WDR33: variants seen among roughly 807,000 people sequenced by gnomAD.
WDR33 encodes the protein WD repeat domain 33.
In WDR33, 47 loss-of-function variants were observed where a neutral mutation model predicts 164.9. The observed-to-expected ratio is 0.29, with a 90% CI of 0.23 to 0.36. The LOEUF is 0.36. Among genes scored for constraint, WDR33 ranks in the 10% least tolerant of loss-of-function variants. WDR33 has a pLI of 1.00. For synonymous variants in WDR33, 505 were observed against 589.0 expected, an observed-to-expected ratio of 0.86 and a Z score of 2.06; for missense variants, 1,137 against 1,754.1, an observed-to-expected ratio of 0.65 and a Z score of 6.28.
Position 127,738,675 on chromosome 2 carries a change from T to G in WDR33, c.725-11898A>C, listed in dbSNP as rs1336446876. On this transcript the variant is annotated intron_variant, in intron 7 of 21. Transcript: ENST00000322313. This position sits in a 1 kb window ranked among gnomAD's most constrained non-coding sequence, Gnocchi z 4.4. The stretch of plus-strand genomic sequence containing the variant: ...GATCTTCCTCTCAAAAACCGACAAT[T>G]CCCTGTCTAATCATGAGAGAAATAG... Among the ~76,000 whole-genome samples, 1 of 152,114 alleles carries G rather than the reference T, an allele frequency of 6.6e-6. No individual in the cohort carries two copies. The highest frequency in any genetic ancestry group is 2.4e-5 in the African/African-American group (1 of 41,400).
chr2:127,726,614 T>C lies in WDR33; in HGVS notation c.851+37A>G, dbSNP rs780824482. 2.2e-5 allele frequency: 36 copies of C among 1,610,216 alleles called. No homozygotes were observed. The South Asian group carries it at 3.5e-4, about 16-fold the overall frequency. On this transcript the variant is annotated intron_variant, in intron 8 of 21. Coordinates refer to ENST00000322313, the MANE Select transcript of WDR33 (RefSeq NM_018383.5). The surrounding 1 kb of genome is among the most constrained non-coding windows in gnomAD (Gnocchi z 4.8). ...TAAAGGACACACTGCTTTGCTCCCC[T>C]TTGTTCAGGGGCCAAGGTGGGGTTC... is the stretch of plus-strand genomic sequence containing the variant.
intron 1 of WDR33, among the ~76,000 whole-genome samples, chr2:127,809,358 T>A (rs1318696304): frequency 6.6e-6 from 1 of 151,930 alleles, no homozygotes; most frequent in Admixed American, 6.6e-5. Flanking sequence ...ATTATCCAAG[T>A]TAAGCCATCA....
intron 1 of WDR33, among the ~76,000 whole-genome samples, chr2:127,794,529 GA>G (rs764766640): frequency 6.7e-6 from 1 of 148,394 alleles, no homozygotes; most frequent in Non-Finnish European, 1.5e-5. Flanking sequence ...GAAAAGAAAA[GA>G]GACAAAGACA....
intron 7 of WDR33, among the ~76,000 whole-genome samples, chr2:127,756,976 C>A (rs1687538877): frequency 6.6e-6 from 1 of 151,204 alleles, no homozygotes; most frequent in Non-Finnish European, 1.5e-5. Flanking sequence ...ACCAGGGAGG[C>A]TGAGGTGGGA....
chr2:127,787,458 C>A (rs1688624608), intron 1 of WDR33, among the ~76,000 whole-genome samples: 1 of 138,330 alleles, frequency 7.2e-6, no homozygotes, highest in African/African-American at 3.0e-5. Flanking sequence ...CCCTCACCTC[C>A]CGGACGGGGC....
At chr2:127,810,400 T>C (rs1266353701) in intron 1 of WDR33, among the ~76,000 whole-genome samples, 1 of 152,204 alleles carries the variant, frequency 6.6e-6, no homozygotes, top group African/African-American at 2.4e-5. Flanking sequence ...CAAACATTCA[T>C]TGTCATTTCT....
At chr2:127,739,982 G>C (rs2105400829) in intron 7 of WDR33, among the ~76,000 whole-genome samples, 1 of 152,040 alleles carries the variant, frequency 6.6e-6, no homozygotes, top group South Asian at 2.1e-4. Context: ...TTACCTCTCA[G>C]AACTAGAAAA....
Position 127,719,509 on chromosome 2 carries a change from G to A in WDR33, c.2516C>T (p.Pro839Leu), listed in dbSNP as rs1407492008. The change falls in exon 16 of 22, where the codon CCT (proline) becomes CTT (leucine). Residue 839 changes from proline to leucine, a missense_variant. Physicochemically the swap from Pro to Leu is moderately conservative, Grantham distance 98. This residue lies in a region of WDR33 where 867 missense variants were observed against 1,073.0 expected (regional missense o/e 0.81). Transcript: ENST00000322313. This position sits in a 1 kb window ranked among gnomAD's most constrained non-coding sequence, Gnocchi z 6.5. ...GPQEIRGMQG[P>L]PPQGSMLGPP... is the part of the protein sequence containing the mutation. ...TCCCAGCATTGATCCTTGGGGTGGA[G>A]GCCCCTGCATGCCTCGGATCTCCTG... The A allele has an allele frequency of 2.5e-6, 4 of 1,612,688 alleles. No individual in the cohort carries two copies. The highest frequency in any genetic ancestry group is 1.3e-5 in the African/African-American group (1 of 74,826).
At position 127,713,664 on chromosome 2, in the gene WDR33, G is replaced by T. The variant is rs138890893; in HGVS notation, c.3227C>A (p.Ala1076Glu). ...ATCTCCGGGCCTGCGGCCTTCCCAT[G>T]CCCCCGGAGGGCCTCGGGCTGCACC... ...GRGAARGPPG[A>E]WEGRRPGDER... Residue 1076 changes from alanine (A) to glutamate (E), a missense_variant, in exon 18 of 22, where the codon GCA becomes GAA. Ala to Glu is a moderately radical substitution (Grantham distance 107). Around this residue, in one of 9 missense-constraint regions of WDR33, gnomAD observed 867 missense variants for 1,073.0 expected, o/e 0.81. Coordinates refer to ENST00000322313, the MANE Select transcript of WDR33 (RefSeq NM_018383.5). This position sits in a 1 kb window ranked among gnomAD's most constrained non-coding sequence, Gnocchi z 6.2. The T allele has an allele frequency of 3.7e-6, 6 of 1,614,216 alleles. No homozygotes were observed. The highest frequency in any genetic ancestry group is 1.3e-5 in the African/African-American group (1 of 75,064).
intron 1 of WDR33, among the ~76,000 whole-genome samples, chr2:127,791,139 T>C (rs1043815327): frequency 6.6e-6 from 1 of 150,808 alleles, no homozygotes; most frequent in Admixed American, 6.6e-5. Context: ...GCAAAAGTAC[T>C]TTATCCAAAC....
At chr2:127,756,334 CA>C (rs57883631) in intron 7 of WDR33, among the ~76,000 whole-genome samples, 18,800 of 109,432 alleles carry the variant, frequency 0.17, 1,124 homozygotes, top group Middle Eastern at 0.29. Context: ...ATTCCAACTC[CA>C]AAAAAAAAAA....
intron 17 of WDR33, among the ~76,000 whole-genome samples, chr2:127,715,038 C>CT (rs1454756126): frequency 1.3e-5 from 2 of 151,192 alleles, no homozygotes; most frequent in Non-Finnish European, 2.9e-5. Flanking sequence ...AACCATAATT[C>CT]TCACCTCCCC....
chr2:127,725,274 C>A (rs916442644), intron 8 of WDR33, 59 bp from the exon 9 acceptor site: 92 of 1,513,174 alleles, frequency 6.1e-5, no homozygotes, highest in Middle Eastern at 2.1e-4. Context: ...AATACAATGG[C>A]CATTTTTGTT....
At chr2:127,739,494 T>C (rs947876471) in intron 7 of WDR33, among the ~76,000 whole-genome samples, 2 of 152,234 alleles carry the variant, frequency 1.3e-5, no homozygotes, top group South Asian at 2.1e-4. Context: ...TAATGGCTAA[T>C]AGTAAAAAAT....
intron 7 of WDR33, among the ~76,000 whole-genome samples, chr2:127,758,557 A>C (rs1005163515): frequency 6.6e-6 from 1 of 152,196 alleles, no homozygotes; most frequent in Non-Finnish European, 1.5e-5. Flanking sequence ...AGCTGTTATT[A>C]TTGTTAAAAT....
In WDR33 at chr2:127,764,077, G is replaced by A; in HGVS notation, c.626+751C>T. ...GAATGCTGCTTAGCTTTATTCTGAG[G>A]CTGCAGCAATTCTTCAGGCTTGTAT... On this transcript the variant is annotated intron_variant, in intron 6 of 21. Transcript: ENST00000322313. The surrounding 1 kb of genome is among the most constrained non-coding windows in gnomAD (Gnocchi z 6.2). The A allele has an allele frequency of 1.0e-6, 1 of 987,796 alleles. No individual in the cohort carries two copies. Among genetic ancestry groups the A allele is most frequent in the African/African-American group, 1.7e-5 (1 of 57,390 alleles). 61.2% of individuals were successfully genotyped at this position (987,796 alleles called of 1,614,324 possible).
At chr2:127,798,204 C>T (rs1160473753) in intron 1 of WDR33, among the ~76,000 whole-genome samples, 5 of 150,814 alleles carry the variant, frequency 3.3e-5, no homozygotes, top group Admixed American at 1.3e-4. Context: ...CCTGTCTCTA[C>T]TGAAAATACA....
At chr2:127,707,479 A>G (rs1379428905) in intron 21 of WDR33, among the ~76,000 whole-genome samples, 1 of 152,206 alleles carries the variant, frequency 6.6e-6, no homozygotes, top group African/African-American at 2.4e-5. Flanking sequence ...AACCCACCTG[A>G]GGCACCTGGG....
intron 1 of WDR33, among the ~76,000 whole-genome samples, chr2:127,789,546 T>C (rs1431295901): frequency 7.4e-5 from 11 of 148,796 alleles, no homozygotes; most frequent in African/African-American, 2.7e-4. Flanking sequence ...CCAAAACCAG[T>C]CAGGCGTGGC....
Sources: gnomAD v4.1 joint callset for allele counts (sites outside exome capture counted in the v4.1 genomes callset) on GRCh38, gnomAD v4.1.1 for gene constraint, gnomAD v4.1.1 regional missense constraint, Gnocchi (gnomAD v3.1) non-coding constraint, MANE v1.5 for transcripts, NCBI Gene and HGNC (gene_info 2026-07-23, HGNC 2026-07-21) for gene names.